Variants in ITGA9 observed in about 807,000 individuals in gnomAD.
The protein encoded by ITGA9 is integrin alpha-9.
ITGA9 carries 56 observed loss-of-function variants against 127.8 expected under a neutral mutation model. The ratio of observed to expected loss-of-function variants is 0.44; its 90% CI spans 0.35 to 0.55. The LOEUF (loss-of-function observed/expected upper bound fraction) is 0.55, where lower values mean the gene tolerates loss of function less well. Among genes scored for constraint, ITGA9 ranks in the 20% least tolerant of loss-of-function variants. The pLI is 0.00. For missense variants in ITGA9, 1,196 were observed against 1,347.1 expected, an observed-to-expected ratio of 0.89 and a Z score of 1.76; for synonymous variants, 508 against 514.5, an observed-to-expected ratio of 0.99 and a Z score of 0.17.
At chr3:37,783,156 G>A (rs891515718) in intron 25 of ITGA9, among the ~76,000 whole-genome samples, 2 of 151,842 alleles carry the variant, frequency 1.3e-5, no homozygotes, top group African/African-American at 4.8e-5. Flanking sequence ...AAAAATCACC[G>A]TAGGATTCGG....
At chr3:37,633,356 C>G (rs1367901821) in intron 16 of ITGA9, among the ~76,000 whole-genome samples, 1 of 152,146 alleles carries the variant, frequency 6.6e-6, no homozygotes, top group Non-Finnish European at 1.5e-5. Flanking sequence ...AAAATATTGT[C>G]AGTTGAAAAT....
chr3:37,665,670 G>A (rs1485077078), intron 17 of ITGA9, among the ~76,000 whole-genome samples: 1 of 151,962 alleles, frequency 6.6e-6, no homozygotes, highest in Admixed American at 6.6e-5. Context: ...GGCCAGGCGG[G>A]TCTCGAAATC....
At chr3:37,523,476 CTG>C in intron 11 of ITGA9, 43 bp from the exon 12 acceptor site, 2 of 1,420,682 alleles carry the variant, frequency 1.4e-6, no homozygotes, top group Non-Finnish European at 2.0e-6. Flanking sequence ...TTATTTGTGA[CTG>C]TGGTCTTTTC....
intron 24 of ITGA9, among the ~76,000 whole-genome samples, chr3:37,779,695 C>T (rs1407964609): frequency 6.6e-6 from 1 of 152,016 alleles, no homozygotes; most frequent in African/African-American, 2.4e-5. Flanking sequence ...AGTTGCTTGA[C>T]TTAAAGGCAT....
At chr3:37,648,240 T>C (rs1005602938) in intron 16 of ITGA9, among the ~76,000 whole-genome samples, 4 of 152,212 alleles carry the variant, frequency 2.6e-5, no homozygotes, top group African/African-American at 9.7e-5. Context: ...AGGTGATATT[T>C]CATTGTGACT....
chr3:37,789,218 C>T (rs1397319368), intron 26 of ITGA9, among the ~76,000 whole-genome samples: 3 of 152,110 alleles, frequency 2.0e-5, no homozygotes, highest in Non-Finnish European at 2.9e-5. Flanking sequence ...ATGAACTAAA[C>T]ACCTAACTTG....
At chr3:37,522,554 C>T (rs1699054679) in intron 11 of ITGA9, among the ~76,000 whole-genome samples, 1 of 151,676 alleles carries the variant, frequency 6.6e-6, no homozygotes, top group South Asian at 2.1e-4. Context: ...GGCGAGACCC[C>T]GTCTGACAAA....
At chr3:37,612,047 A>G (rs1447065177) in intron 15 of ITGA9, among the ~76,000 whole-genome samples, 1 of 152,024 alleles carries the variant, frequency 6.6e-6, no homozygotes, top group Non-Finnish European at 1.5e-5. Flanking sequence ...CATAAAATGT[A>G]ATGGATGATA....
At chr3:37,470,850 T>C (rs1271678581) in intron 1 of ITGA9, among the ~76,000 whole-genome samples, 157 bp from the exon 2 acceptor site, 5 of 152,206 alleles carry the variant, frequency 3.3e-5, no homozygotes, top group Admixed American at 2.6e-4. Context: ...GGTTTCACTT[T>C]AGGACCTCTC....
chr3:37,639,953 G>A (rs532410666), intron 16 of ITGA9, among the ~76,000 whole-genome samples: 2 of 152,216 alleles, frequency 1.3e-5, no homozygotes, highest in East Asian at 3.9e-4. Flanking sequence ...GCATACCAAT[G>A]GTGATGACAG....
At chr3:37,606,808 G>T (rs927296911) in intron 15 of ITGA9, among the ~76,000 whole-genome samples, 4 of 152,038 alleles carry the variant, frequency 2.6e-5, no homozygotes, top group Admixed American at 1.3e-4. Flanking sequence ...TGGGCCCTCA[G>T]CTGTGACTGT....
chr3:37,500,076 G>T (rs1027861122), intron 5 of ITGA9, among the ~76,000 whole-genome samples: 1 of 152,192 alleles, frequency 6.6e-6, no homozygotes, highest in Non-Finnish European at 1.5e-5. Flanking sequence ...AGGTTCTTCA[G>T]TGCCCTTTGT....
chr3:37,778,573 G>A (rs920123162), intron 24 of ITGA9, among the ~76,000 whole-genome samples: 5 of 151,452 alleles, frequency 3.3e-5, no homozygotes, highest in African/African-American at 7.3e-5. Flanking sequence ...AGCCAAGATC[G>A]TGCCACTGTA....
At chr3:37,602,495 A>G (rs1699931108) in intron 15 of ITGA9, among the ~76,000 whole-genome samples, 1 of 152,200 alleles carries the variant, frequency 6.6e-6, no homozygotes, top group Non-Finnish European at 1.5e-5. Flanking sequence ...TCCTTAATTT[A>G]ATGAAATGTA....
intron 15 of ITGA9, among the ~76,000 whole-genome samples, chr3:37,543,958 G>C (rs1007210315): frequency 7.2e-5 from 11 of 152,256 alleles, no homozygotes; most frequent in African/African-American, 2.7e-4. Context: ...GTCAGTCTTA[G>C]ATTACATTGG....
At chr3:37,542,374 A>G in intron 14 of ITGA9, 51 bp from the exon 15 acceptor site, 1 of 1,601,016 alleles carries the variant, frequency 6.2e-7, no homozygotes, top group Non-Finnish European at 8.5e-7. Flanking sequence ...AGGTGGCCTC[A>G]TCACAGTGTG....
intron 17 of ITGA9, among the ~76,000 whole-genome samples, chr3:37,668,324 T>C (rs903114738): frequency 6.6e-6 from 1 of 152,186 alleles, no homozygotes; most frequent in South Asian, 2.1e-4. Flanking sequence ...ACCTCACAGG[T>C]GTGCCTGATA....
intron 23 of ITGA9, among the ~76,000 whole-genome samples, chr3:37,769,274 G>T (rs1201303730): frequency 2.0e-5 from 3 of 150,398 alleles, no homozygotes; most frequent in Non-Finnish European, 4.4e-5. Context: ...GAAGGCAGAG[G>T]TTGTGGTGAG....
chr3:37,601,838 G>A (rs753160410), intron 15 of ITGA9, among the ~76,000 whole-genome samples: 1 of 152,158 alleles, frequency 6.6e-6, no homozygotes, highest in Non-Finnish European at 1.5e-5. Flanking sequence ...ATGTGTATTC[G>A]GCTCATGGTT....
Sources: allele counts gnomAD v4.1 joint callset (sites outside exome capture counted in the v4.1 genomes callset), GRCh38; gene constraint gnomAD v4.1.1; transcripts MANE v1.5; gene names NCBI Gene and HGNC (gene_info 2026-07-23, HGNC 2026-07-21).